The following IL1RAP variants were observed in gnomAD, a reference collection of about 807,000 sequenced individuals.
IL1RAP encodes the protein interleukin 1 receptor accessory protein.
Under a neutral mutation model 60.7 loss-of-function variants are expected in IL1RAP, and 35 were observed. The ratio of observed to expected loss-of-function variants is 0.58; its 90% confidence interval spans 0.44 to 0.76. IL1RAP has a LOEUF of 0.76. Among genes scored for constraint, IL1RAP ranks in the 30% least tolerant of loss-of-function variants. The probability of loss-of-function intolerance (pLI) is 0.00; values close to 1 mark genes in which losing one functional copy is unlikely to be tolerated. For missense variants in IL1RAP, 572 were observed against 693.9 expected, an observed-to-expected ratio of 0.82 and a Z score of 1.97; for synonymous variants, 268 against 250.9, an observed-to-expected ratio of 1.07 and a Z score of -0.64.
In IL1RAP at chr3:190,650,375, G is replaced by A; in HGVS notation, c.*1670G>A. ...ACTGCTAAGCAGTAGCCAGCCATCGGGCATTAATTGATTTCCTACTATATT... is the reference window on the plus strand; with the variant it reads ...ACTGCTAAGCAGTAGCCAGCCATCGAGCATTAATTGATTTCCTACTATATT... On this transcript the variant is annotated 3_prime_UTR_variant, in exon 12 of 12. Transcript: ENST00000447382. 1.0e-6 allele frequency: 1 copy of A among 985,280 alleles called. No homozygotes were observed. The highest frequency in any genetic ancestry group is 4.7e-5 in the South Asian group (1 of 21,276). 61.0% of individuals were successfully genotyped at this position (985,280 alleles called of 1,614,324 possible). A position where few individuals can be genotyped will look rare whatever the true frequency, so the allele number is the denominator to read the frequency against.
intron 9 of IL1RAP, among the ~76,000 whole-genome samples, chr3:190,635,892 G>A (rs916136629): frequency 3.3e-5 from 5 of 152,110 alleles, no homozygotes; most frequent in African/African-American, 7.2e-5. Context: ...TTCAAGTTCC[G>A]GACTCAGTGC....
intron 7 of IL1RAP, among the ~76,000 whole-genome samples, chr3:190,626,322 A>G: frequency 6.6e-6 from 1 of 152,248 alleles, no homozygotes; most frequent in East Asian, 1.9e-4. Context: ...AATATTTAGC[A>G]TAATAACTTG....
chr3:190,572,856 T>TTTG lies in IL1RAP; in HGVS notation c.64+8506_64+8508dup. ...TGGTCAGCATGTCCAGGGTTAATGC[T>TTTG]TTGTTTTTTTTTTTTTTTTTTTTTT... On this transcript the variant is annotated intron_variant, in intron 3 of 11. Coordinates refer to ENST00000447382, the MANE Select transcript of IL1RAP (RefSeq NM_002182.4). 2.7e-5 allele frequency among the ~76,000 whole-genome samples: 2 copies of TTTG among 75,130 alleles called. 1 individual carries two copies. The highest frequency in any genetic ancestry group is 5.0e-5 in the Non-Finnish European group (2 of 39,752). The allele number at this position is 75,130 out of a possible 152,430, so 49.3% of individuals were successfully genotyped here.
chr3:190,522,315 T>G (rs750968407), intron 1 of IL1RAP, among the ~76,000 whole-genome samples: 1 of 133,406 alleles, frequency 7.5e-6, no homozygotes, highest in Admixed American at 7.1e-5. Context: ...CCTTCCTTCC[T>G]TCCTTCCTTC....
At chr3:190,536,302 G>C (rs1723456555) in intron 1 of IL1RAP, among the ~76,000 whole-genome samples, 4 of 151,838 alleles carry the variant, frequency 2.6e-5, no homozygotes. Flanking sequence ...TTTTTTTTAA[G>C]TTGATGCATC....
chr3:190,636,152 T>G (rs1468634413), intron 9 of IL1RAP, among the ~76,000 whole-genome samples: 2 of 152,240 alleles, frequency 1.3e-5, no homozygotes, highest in African/African-American at 4.8e-5. Context: ...TGGTAAATGT[T>G]TGATATGCAT....
chr3:190,560,087 C>T (rs1029141618), intron 2 of IL1RAP, among the ~76,000 whole-genome samples: 7 of 152,172 alleles, frequency 4.6e-5, no homozygotes, highest in African/African-American at 1.7e-4. Context: ...TAAATGCTAT[C>T]CCTTTTGTGT....
chr3:190,646,943 A>G (rs1734057281), intron 11 of IL1RAP, among the ~76,000 whole-genome samples: 1 of 152,204 alleles, frequency 6.6e-6, no homozygotes, highest in South Asian at 2.1e-4. Flanking sequence ...TTTAATACTT[A>G]ATTTCCCCAG....
chr3:190,627,403 G>A lies in IL1RAP; in HGVS notation c.856G>A (p.Gly286Arg). The A allele has an allele frequency of 6.2e-7, 1 of 1,612,960 alleles. No homozygotes were observed. The highest frequency in any genetic ancestry group is 1.1e-5 in the South Asian group (1 of 91,026). Residue 286 changes from glycine (G) to arginine (R), a missense_variant, in exon 8 of 12, where the codon GGA becomes AGA. Gly to Arg is a moderately radical substitution (Grantham distance 125). Transcript: ENST00000447382. ...SRNEVWWTID[G>R]KKPDDITIDV... is the part of the protein sequence containing the mutation. Reference sequence around the variant, plus strand: ...CAATGAGGTTTGGTGGACCATTGATGGAAAAAAACCTGATGACATCACTAT... The same window carrying A: ...CAATGAGGTTTGGTGGACCATTGATAGAAAAAAACCTGATGACATCACTAT...
chr3:190,659,639 T>C (rs1338415784), exon 12 of IL1RAP: 1 of 152,218 alleles, frequency 6.6e-6, no homozygotes, highest in Non-Finnish European at 1.5e-5. Context: ...GCATGAGTTT[T>C]AAATCAAATA....
chr3:190,656,793 C>T (rs559857467), exon 12 of IL1RAP: 2 of 521,888 alleles, frequency 3.8e-6, no homozygotes, highest in East Asian at 3.1e-5. Flanking sequence ...GAATTATTGC[C>T]TCTAAAGGCC....
chr3:190,523,938 G>C (rs1335426581), intron 1 of IL1RAP, among the ~76,000 whole-genome samples: 3 of 152,138 alleles, frequency 2.0e-5, no homozygotes, highest in Non-Finnish European at 2.9e-5. Context: ...TTGAGGAATT[G>C]CCACACTGTC....
intron 7 of IL1RAP, chr3:190,624,745 TG>T (rs1732084891): frequency 5.1e-6 from 1 of 195,988 alleles, no homozygotes; most frequent in South Asian, 1.2e-4. Flanking sequence ...TTGTGGTCAG[TG>T]GGGAGTATGT....
chr3:190,529,857 CAA>C (rs56743516), intron 1 of IL1RAP, among the ~76,000 whole-genome samples: 20 of 75,914 alleles, frequency 2.6e-4, no homozygotes, highest in Admixed American at 4.7e-4. Context: ...GACTCTGACT[CAA>C]AAAAAAAAAA....
intron 3 of IL1RAP, among the ~76,000 whole-genome samples, chr3:190,573,506 CT>C (rs1430488799): frequency 1.3e-5 from 2 of 152,138 alleles, no homozygotes; most frequent in Non-Finnish European, 2.9e-5. Context: ...TGTTGGAGGA[CT>C]TTCTCCCTCC....
chr3:190,550,376 C>T (rs1443170750), intron 1 of IL1RAP: 3 of 152,200 alleles, frequency 2.0e-5, no homozygotes, highest in Admixed American at 6.5e-5. Flanking sequence ...GAGTTTGGGA[C>T]AATAATGTGT....
chr3:190,540,122 G>A (rs1723801784), intron 1 of IL1RAP, among the ~76,000 whole-genome samples: 1 of 152,044 alleles, frequency 6.6e-6, no homozygotes, highest in Non-Finnish European at 1.5e-5. Flanking sequence ...TAGAGTTTTT[G>A]TTTAGAGAGA....
chr3:190,551,376 G>A (rs189172854), intron 1 of IL1RAP, among the ~76,000 whole-genome samples: 7 of 152,288 alleles, frequency 4.6e-5, no homozygotes, highest in Admixed American at 1.3e-4. Context: ...CTATATTGCC[G>A]TAAGTTAAAA....
At chr3:190,591,982 C>G (rs1728980513) in intron 3 of IL1RAP, among the ~76,000 whole-genome samples, 1 of 152,082 alleles carries the variant, frequency 6.6e-6, no homozygotes, top group African/African-American at 2.4e-5. Context: ...AACCATGAAC[C>G]ATGGTACAGA....
Sources: gnomAD v4.1 joint callset for allele counts (sites outside exome capture counted in the v4.1 genomes callset) on GRCh38, gnomAD v4.1.1 for gene constraint, MANE v1.5 for transcripts, NCBI Gene and HGNC (gene_info 2026-07-23, HGNC 2026-07-21) for gene names.